The following CNN2 variants were observed in gnomAD, a reference collection of about 807,000 sequenced individuals.
CNN2 encodes the protein calponin 2.
In CNN2, 21 loss-of-function variants were observed where a neutral mutation model predicts 31.0. The ratio of observed to expected loss-of-function variants is 0.68; its 90% CI spans 0.48 to 0.98. The LOEUF (loss-of-function observed/expected upper bound fraction) is 0.98, where lower values mean the gene tolerates loss of function less well. Ranked by LOEUF, CNN2 falls within the 50% of genes least tolerant of loss-of-function variation. The probability of loss-of-function intolerance (pLI) is 0.00; values close to 1 mark genes in which losing one functional copy is unlikely to be tolerated. For synonymous variants in CNN2, 165 were observed against 179.6 expected (o/e 0.92, Z 0.65); for missense variants, 399 against 427.3 (o/e 0.93, Z 0.58).
chr19:1,031,420 C>CA (rs1442933108), intron 2 of CNN2, among the ~76,000 whole-genome samples: 7 of 150,338 alleles, frequency 4.7e-5, no homozygotes, highest in Admixed American at 4.0e-4. Flanking sequence ...ACTAATAATA[C>CA]AAAAAAATTA....
At chr19:1,037,579 C>G in intron 6 of CNN2, 46 bp from the exon 7 acceptor site, 7 of 1,593,086 alleles carry the variant, frequency 4.4e-6, no homozygotes, top group Non-Finnish European at 6.0e-6. Flanking sequence ...GTGAAGGTCC[C>G]CTCTTCTCTC....
At position 1,039,051 on chromosome 19, in the gene CNN2, CTGTT is replaced by C. The variant is rs1199092003; in HGVS notation, c.*1155_*1158del. The C allele has an allele frequency of 6.6e-6, 1 of 152,378 alleles. No homozygotes were observed. The highest frequency in any genetic ancestry group is 1.5e-5 in the Non-Finnish European group (1 of 68,072). The allele number at this position is 152,378 out of a possible 1,614,324, so 9.4% of individuals were successfully genotyped here. A position where few individuals can be genotyped will look rare whatever the true frequency, so the allele number is the denominator to read the frequency against. On this transcript the variant is annotated 3_prime_UTR_variant, in exon 7 of 7. Coordinates refer to ENST00000263097, the MANE Select transcript of CNN2 (RefSeq NM_004368.4). ...CTGTGGACCAAACGCAATAAAACCT[CTGTT>C]TGTACGAAGAGAAGGTGGCCAAGAG...
In CNN2 at chr19:1,037,989, C is replaced by T. The variant is rs1449925450; in HGVS notation, c.*89C>T. The T allele has an allele frequency of 2.2e-4, 231 of 1,049,534 alleles. No individual in the cohort carries two copies. The highest frequency in any genetic ancestry group is 3.0e-4 in the Non-Finnish European group (218 of 738,410). The allele number at this position is 1,049,534 out of a possible 1,614,324, so 65.0% of individuals were successfully genotyped here. A position where few individuals can be genotyped will look rare whatever the true frequency, so the allele number is the denominator to read the frequency against. On this transcript the variant is annotated 3_prime_UTR_variant, in exon 7 of 7. Transcript: ENST00000263097. ...TTCATCTTTTTTTTTTTTTTCTTAA[C>T]CCGTTCAGTGCTGCCAGTCAACCAA...
intron 4 of CNN2, chr19:1,032,924 A>G: frequency 2.2e-6 from 1 of 447,792 alleles, no homozygotes; most frequent in Non-Finnish European, 4.1e-6. Flanking sequence ...GATTACAGGC[A>G]CCTGCCACCA....
At chr19:1,027,429 C>A (rs1220494181) in intron 1 of CNN2, among the ~76,000 whole-genome samples, 1 of 152,208 alleles carries the variant, frequency 6.6e-6, no homozygotes, top group African/African-American at 2.4e-5. Flanking sequence ...AATCCCAGCA[C>A]TTTGGGGGGC....
At chr19:1,028,977 A>AC (rs1282632530) in intron 1 of CNN2, among the ~76,000 whole-genome samples, 2 of 151,914 alleles carry the variant, frequency 1.3e-5, no homozygotes, top group Non-Finnish European at 2.9e-5. Flanking sequence ...AGGTCAGGGG[A>AC]CCCTAACCCA....
intron 4 of CNN2, among the ~76,000 whole-genome samples, chr19:1,033,292 A>T (rs1278017261): frequency 2.0e-5 from 3 of 151,646 alleles, no homozygotes; most frequent in Non-Finnish European, 2.9e-5. Flanking sequence ...CCGAGGTTGG[A>T]GAATTGCTTG....
chr19:1,036,668 T>A (rs1437048360), intron 6 of CNN2, 106 bp downstream of exon 6: 2 of 1,416,322 alleles, frequency 1.4e-6, no homozygotes, highest in South Asian at 1.2e-5. Flanking sequence ...ACTCTCAGTC[T>A]CAGCCCCTTC....
chr19:1,036,173 A>T lies in CNN2; in HGVS notation c.434A>T (p.Lys145Met), dbSNP rs2039580083. 1 of 1,612,588 alleles carries T rather than the reference A, an allele frequency of 6.2e-7. No individual in the cohort carries two copies. Among genetic ancestry groups the T allele is most frequent in the Non-Finnish European group, 8.5e-7 (1 of 1,179,264 alleles). Residue 145 changes from lysine (K) to methionine (M), a missense_variant, in exon 5 of 7, where the codon AAG becomes ATG. By Grantham distance (95) the Lys-to-Met change is moderately conservative. Coordinates refer to ENST00000263097, the MANE Select transcript of CNN2 (RefSeq NM_004368.4). Reference sequence around the variant, plus strand: ...CAGAGCGGGGTGGACATTGGCGTCAAGTACTCGGAGAAGCAGGAGCGGAAT... The same window carrying T: ...CAGAGCGGGGTGGACATTGGCGTCATGTACTCGGAGAAGCAGGAGCGGAAT... ...GLQSGVDIGV[K>M]YSEKQERNFD...
At chr19:1,030,681 A>AAATGCTGTGAAATGGTGC (rs1157838118) in intron 1 of CNN2, among the ~76,000 whole-genome samples, 1 of 152,190 alleles carries the variant, frequency 6.6e-6, no homozygotes, top group African/African-American at 2.4e-5. Flanking sequence ...CAGACGTACG[A>AAATGCTGTGAAATGGTGC]AATGCTGTGA....
At chr19:1,031,283 C>G in intron 2 of CNN2, 91 bp downstream of exon 2, 6 of 1,057,388 alleles carry the variant, frequency 5.7e-6, no homozygotes, top group South Asian at 3.7e-5. Context: ...TTTGGGGGGC[C>G]GGGCATGGCC....
intron 2 of CNN2, among the ~76,000 whole-genome samples, chr19:1,031,564 C>CAAAAAAAAA (rs536524090): frequency 2.4e-4 from 16 of 66,336 alleles, no homozygotes; most frequent in Non-Finnish European, 1.3e-4. Flanking sequence ...GACTCCATCT[C>CAAAAAAAAA]AAAAAAAAAA....
At chr19:1,032,082 G>C (rs1346891743) in intron 2 of CNN2, among the ~76,000 whole-genome samples, 1 of 151,972 alleles carries the variant, frequency 6.6e-6, no homozygotes, top group Non-Finnish European at 1.5e-5. Flanking sequence ...GCAAAAATTA[G>C]CCGGGTGTGG....
In CNN2 at chr19:1,036,209, C is replaced by T. The variant is rs1430697294; in HGVS notation, c.470C>T (p.Ala157Val). Residue 157 changes from alanine (A) to valine (V), a missense_variant, in exon 5 of 7, where the codon GCC (alanine) becomes GTC (valine). Ala to Val is a moderately conservative substitution (Grantham distance 64). Transcript: ENST00000263097. Reference sequence around the variant, plus strand: ...AAGCAGGAGCGGAATTTCGACGATGCCACCATGAAGGCTGGCCAGTGCGTC... The same window carrying T: ...AAGCAGGAGCGGAATTTCGACGATGTCACCATGAAGGCTGGCCAGTGCGTC... ...SEKQERNFDD[A>V]TMKAGQCVIG... is the part of the protein sequence containing the mutation. 1 of 1,606,988 alleles carries T rather than the reference C, an allele frequency of 6.2e-7. No individual in the cohort carries two copies. Among genetic ancestry groups the T allele is most frequent in the Non-Finnish European group, 8.5e-7 (1 of 1,176,550 alleles).
chr19:1,038,078 C>T lies in CNN2; in HGVS notation c.*178C>T, dbSNP rs1791098682. 3 of 661,426 alleles carry T rather than the reference C, an allele frequency of 4.5e-6. No individual in the cohort carries two copies. Among genetic ancestry groups the T allele is most frequent in the South Asian group, 2.2e-5 (1 of 45,236 alleles). The allele number at this position is 661,426 out of a possible 1,614,324, so 41.0% of individuals were successfully genotyped here. On this transcript the variant is annotated 3_prime_UTR_variant, in exon 7 of 7. Transcript: ENST00000263097. ...TTTTTTCCCCTTTGCCTTGATCCTTCGCAAGGCTGAGCCACTGGGCTGTGG... is the reference window on the plus strand; with the variant it reads ...TTTTTTCCCCTTTGCCTTGATCCTTTGCAAGGCTGAGCCACTGGGCTGTGG...
chr19:1,031,340 G>GGGGGGGGGGGGGGA, intron 2 of CNN2, 148 bp downstream of exon 2: 1 of 217,718 alleles, frequency 4.6e-6, no homozygotes, highest in South Asian at 5.8e-5. Flanking sequence ...GAGGGTGGTG[G>GGGGGGGGGGGGGGA]CGGGGGGCGG....
In CNN2 at chr19:1,038,107, A is replaced by T. The variant is rs1392188801; in HGVS notation, c.*207A>T. On this transcript the variant is annotated 3_prime_UTR_variant, in exon 7 of 7. Coordinates refer to ENST00000263097, the MANE Select transcript of CNN2 (RefSeq NM_004368.4). ...AGGCTGAGCCACTGGGCTGTGGGGGAAGGGGTCAAGGCCATATCCCAATAC... is the reference window on the plus strand; with the variant it reads ...AGGCTGAGCCACTGGGCTGTGGGGGTAGGGGTCAAGGCCATATCCCAATAC... 1 of 571,106 alleles carries T rather than the reference A, an allele frequency of 1.8e-6. No homozygotes were observed. Among genetic ancestry groups the T allele is most frequent in the African/African-American group, 1.9e-5 (1 of 52,756 alleles). The allele number at this position is 571,106 out of a possible 1,614,324, so 35.4% of individuals were successfully genotyped here.
At position 1,037,846 on chromosome 19, in the gene CNN2, C is replaced by A; in HGVS notation, c.876C>A (p.Asp292Glu). Residue 292 changes from aspartate (D) to glutamate (E), a missense_variant, in exon 7 of 7, where the codon GAC becomes GAA. By Grantham distance (45) the Asp-to-Glu change is conservative (BLOSUM62 2). Transcript: ENST00000263097. ...CCTCGGGCACCGGCGACTGCCCGGA[C>A]CCGGGGGAGGTCCCTGAATATCCCC... ...GAPSGTGDCP[D>E]PGEVPEYPPY... 2 of 1,605,494 alleles carry A rather than the reference C, an allele frequency of 1.2e-6. No individual in the cohort carries two copies. The highest frequency in any genetic ancestry group is 1.7e-6 in the Non-Finnish European group (2 of 1,175,314).
chr19:1,031,875 T>C (rs953293747), intron 2 of CNN2, among the ~76,000 whole-genome samples: 6 of 151,944 alleles, frequency 3.9e-5, no homozygotes, highest in Non-Finnish European at 8.8e-5. Flanking sequence ...GCCTCGGCCT[T>C]CCAAAGTGCT....
Sources: allele counts gnomAD v4.1 joint callset (sites outside exome capture counted in the v4.1 genomes callset), GRCh38; gene constraint gnomAD v4.1.1; transcripts MANE v1.5; gene names NCBI Gene and HGNC (gene_info 2026-07-23, HGNC 2026-07-21).